MPDZ: variants seen among roughly 807,000 people sequenced by gnomAD.
MPDZ encodes the protein multiple PDZ domain crumbs cell polarity complex component.
In MPDZ, 234 loss-of-function variants were observed where a neutral mutation model predicts 239.1. The ratio of observed to expected loss-of-function variants is 0.98; its 90% CI spans 0.88 to 1.09. The LOEUF is 1.09. Among genes scored for constraint, MPDZ ranks in the 50% least tolerant of loss-of-function variants. The pLI, the probability that MPDZ is intolerant of heterozygous loss-of-function variation, is 0.00. For missense variants in MPDZ, 3,175 were observed against 2,510.0 expected (o/e 1.26, Z -5.66); for synonymous variants, 1,048 against 881.3 (o/e 1.19, Z -3.35).
chr9:13,117,135 G>A (rs1201028397), intron 39 of MPDZ, among the ~76,000 whole-genome samples: 1 of 152,102 alleles, frequency 6.6e-6, no homozygotes, highest in African/African-American at 2.4e-5. Flanking sequence ...ACAATGTGCT[G>A]TAATAAAAGT....
intron 10 of MPDZ, among the ~76,000 whole-genome samples, chr9:13,212,012 T>C (rs537021701): frequency 7.9e-5 from 12 of 152,208 alleles, no homozygotes; most frequent in East Asian, 3.9e-4. Flanking sequence ...AAAATCTCCA[T>C]GTTGGGGCTC....
chr9:13,213,409 C>CA lies in MPDZ; in HGVS notation c.1290+3364dup, dbSNP rs202193641. Among the ~76,000 whole-genome samples, 84 of 151,508 alleles carry CA rather than the reference C, an allele frequency of 5.5e-4. 1 individual carries two copies. The highest frequency in any genetic ancestry group is 3.5e-3 in the South Asian group (17 of 4,790). On this transcript the variant is annotated intron_variant, in intron 10 of 46. Transcript: ENST00000319217. ...CTTAATCTCATCACTTCAACAACTA[C>CA]AAAATAAAAATAGATTATACTCCTA...
In MPDZ at chr9:13,112,106, A is replaced by C. The variant is rs775734487; in HGVS notation, c.5642T>G (p.Val1881Gly). The C allele has an allele frequency of 1.2e-5, 19 of 1,613,284 alleles. No individual in the cohort carries two copies. Among genetic ancestry groups the C allele is most frequent in the Non-Finnish European group, 1.6e-5 (19 of 1,179,444 alleles). Residue 1881 changes from valine to glycine, a missense_variant, in exon 43 of 47, where the codon GTA (valine) becomes GGA (glycine). Transcript: ENST00000319217. ...AGGCACATCACCAAGTGGGCTGCCT[A>C]CTCCTCCAGCGATGCTGATTCCCAG... ...DSLGISIAGGVGSPLGDVPIF... is the reference protein window; with the variant it reads ...DSLGISIAGGGGSPLGDVPIF...
intron 10 of MPDZ, among the ~76,000 whole-genome samples, chr9:13,211,733 G>T (rs1039115440): frequency 2.6e-4 from 40 of 152,098 alleles, no homozygotes; most frequent in African/African-American, 8.7e-4. Context: ...ACCTACATGT[G>T]CTTACATAAC....
At chr9:13,268,678 G>A (rs2139148099) in intron 1 of MPDZ, among the ~76,000 whole-genome samples, 2 of 152,312 alleles carry the variant, frequency 1.3e-5, no homozygotes, top group East Asian at 3.9e-4. Flanking sequence ...AGAGTGTGGA[G>A]GAGAGCAGTA....
intron 1 of MPDZ, among the ~76,000 whole-genome samples, chr9:13,259,166 T>C (rs1242479098): frequency 1.3e-5 from 2 of 152,196 alleles, no homozygotes; most frequent in Admixed American, 1.3e-4. Context: ...CCTGTGAAAC[T>C]TTAATATAAT....
At chr9:13,230,728 T>C (rs965601185) in intron 3 of MPDZ, among the ~76,000 whole-genome samples, 7 of 151,740 alleles carry the variant, frequency 4.6e-5, no homozygotes, top group Non-Finnish European at 8.8e-5. Context: ...TCTATATAAG[T>C]AAAAACAAAC....
chr9:13,183,873 T>C (rs1040787246), intron 18 of MPDZ, among the ~76,000 whole-genome samples: 5 of 151,988 alleles, frequency 3.3e-5, no homozygotes, highest in African/African-American at 7.2e-5. Context: ...AACAGTTCCA[T>C]AGTTAAGAAA....
In MPDZ at chr9:13,107,080, CT is replaced by C; in HGVS notation, c.6097del (p.Arg2033GlyfsTer13). On this transcript the variant is annotated frameshift_variant, in exon 47 of 47. Coordinates refer to ENST00000319217, the MANE Select transcript of MPDZ (RefSeq NM_001378778.1). LOFTEE classifies it high-confidence loss of function. ...GAASEDGRLK[R>X]GDQIIAVNGQ... ...ATTGACAGCAATGATCTGATCGCCC[CT>C]TTTCAGACGTCCGTCTTCAGAGGCT... is the stretch of plus-strand genomic sequence containing the variant. 6.3e-7 allele frequency: 1 copy of C among 1,585,024 alleles called. No individual in the cohort carries two copies. The highest frequency in any genetic ancestry group is 8.6e-7 in the Non-Finnish European group (1 of 1,157,898).
At chr9:13,274,891 A>T (rs924819811) in intron 1 of MPDZ, among the ~76,000 whole-genome samples, 4 of 152,216 alleles carry the variant, frequency 2.6e-5, no homozygotes, top group African/African-American at 9.6e-5. Flanking sequence ...CCATTAAAAG[A>T]AATATTTTAA....
Position 13,175,703 on chromosome 9 carries a change from T to G in MPDZ, c.3055+49A>C, listed in dbSNP as rs1487486214. 4.0e-6 allele frequency: 6 copies of G among 1,496,788 alleles called. No homozygotes were observed. The African/African-American group carries it at 8.3e-5, about 21-fold the overall frequency. 92.7% of individuals were successfully genotyped at this position (1,496,788 alleles called of 1,614,324 possible). On this transcript the variant is annotated intron_variant, in intron 21 of 46. Coordinates refer to ENST00000319217, the MANE Select transcript of MPDZ (RefSeq NM_001378778.1). The stretch of plus-strand genomic sequence containing the variant: ...AATTTACCATGTTCAATATTTCCCC[T>G]TGTCAAGGGGGTTGAGGAGTAGGTA...
intron 15 of MPDZ, among the ~76,000 whole-genome samples, chr9:13,190,549 T>C (rs1040260088): frequency 1.3e-5 from 2 of 152,138 alleles, no homozygotes; most frequent in Non-Finnish European, 2.9e-5. Flanking sequence ...AAATATGCAA[T>C]GGTTATATCT....
chr9:13,222,406 T>C lies in MPDZ; in HGVS notation c.574A>G (p.Asn192Asp), dbSNP rs1301551754. 2 of 1,612,712 alleles carry C rather than the reference T, an allele frequency of 1.2e-6. No individual in the cohort carries two copies. Among genetic ancestry groups the C allele is most frequent in the Non-Finnish European group, 1.7e-6 (2 of 1,179,196 alleles). Residue 192 changes from asparagine (N) to aspartate (D), a missense_variant, in exon 6 of 47, where the codon AAT becomes GAT. Coordinates refer to ENST00000319217, the MANE Select transcript of MPDZ (RefSeq NM_001378778.1). ...ATTGTCTGATCAAGAGCCTGTCCAT[T>C]GATAGCAAGAATTTGATCAGTTTCT... ...LKETDQILAI[N>D]GQALDQTITH...
chr9:13,154,089 G>C (rs1949530564), intron 24 of MPDZ, among the ~76,000 whole-genome samples: 1 of 152,036 alleles, frequency 6.6e-6, no homozygotes, highest in Non-Finnish European at 1.5e-5. Context: ...AGTAACCTTT[G>C]GATAATAGCA....
chr9:13,116,451 G>C (rs920715941), intron 39 of MPDZ, among the ~76,000 whole-genome samples: 15 of 152,210 alleles, frequency 9.9e-5, no homozygotes, highest in African/African-American at 3.1e-4. Flanking sequence ...TTATTATTCA[G>C]TGATGAGAGT....
intron 19 of MPDZ, among the ~76,000 whole-genome samples, chr9:13,177,355 G>A (rs961156999): frequency 2.0e-5 from 3 of 152,114 alleles, no homozygotes; most frequent in South Asian, 2.1e-4. Flanking sequence ...AAGAGTTTTC[G>A]CTATGGCTTC....
chr9:13,109,030 T>C lies in MPDZ; in HGVS notation c.5972A>G (p.Glu1991Gly). Residue 1991 changes from glutamate to glycine, a missense_variant, in exon 46 of 47, where the codon GAG becomes GGG. By Grantham distance (98) the Glu-to-Gly change is moderately conservative. Coordinates refer to ENST00000319217, the MANE Select transcript of MPDZ (RefSeq NM_001378778.1). ...GPPQCKSITL[E>G]RGPDGLGFSI... ...GAAGCCTAAGCCATCTGGTCCTCGC[T>C]CTAGTGTAATAGACTTACATTGAGG... 1 of 1,574,404 alleles carries C rather than the reference T, an allele frequency of 6.4e-7. No homozygotes were observed. The highest frequency in any genetic ancestry group is 8.6e-7 in the Non-Finnish European group (1 of 1,157,982).
intron 19 of MPDZ, among the ~76,000 whole-genome samples, chr9:13,178,637 A>C (rs1336599719): frequency 3.9e-5 from 6 of 152,220 alleles, no homozygotes; most frequent in African/African-American, 1.4e-4. Flanking sequence ...ATCTGGATTC[A>C]CAGGAGCCTC....
At chr9:13,176,052 C>A (rs924139749) in intron 20 of MPDZ, 84 bp downstream of exon 20, 5 of 1,451,142 alleles carry the variant, frequency 3.4e-6, no homozygotes, top group Admixed American at 2.6e-5. Context: ...GCACTCATTC[C>A]AAATGAAGAG....
Sources: gnomAD v4.1 joint callset for allele counts (sites outside exome capture counted in the v4.1 genomes callset) on GRCh38, gnomAD v4.1.1 for gene constraint, MANE v1.5 for transcripts, NCBI Gene and HGNC (gene_info 2026-07-23, HGNC 2026-07-21) for gene names.